The following TNFRSF10D variants were observed in gnomAD, a reference collection of about 807,000 sequenced individuals.
TNFRSF10D encodes tumor necrosis factor receptor superfamily member 10D.
Under a neutral mutation model 42.1 loss-of-function variants are expected in TNFRSF10D, and 28 were observed. That is an observed-to-expected ratio of 0.66 (90% CI 0.49 to 0.91). TNFRSF10D has a LOEUF of 0.91. Ranked by LOEUF, TNFRSF10D falls within the 40% of genes least tolerant of loss-of-function variation. The pLI is 0.00. For missense variants in TNFRSF10D, 503 were observed against 486.1 expected, an observed-to-expected ratio of 1.03 and a Z score of -0.33; for synonymous variants, 186 against 189.4, an observed-to-expected ratio of 0.98 and a Z score of 0.15.
intron 2 of TNFRSF10D, among the ~76,000 whole-genome samples, chr8:23,149,382 C>T (rs1800183193): frequency 1.3e-5 from 2 of 151,316 alleles, no homozygotes; most frequent in Non-Finnish European, 2.9e-5. Context: ...GGATTACAGG[C>T]ACCCACCACC....
intron 2 of TNFRSF10D, among the ~76,000 whole-genome samples, chr8:23,149,005 A>C (rs1316081545): frequency 6.6e-6 from 1 of 151,574 alleles, no homozygotes; most frequent in Non-Finnish European, 1.5e-5. Flanking sequence ...CCTGGCTAAC[A>C]CAGTGAAACC....
At position 23,138,242 on chromosome 8, in the gene TNFRSF10D, C is replaced by A. The variant is rs770255486; in HGVS notation, c.973G>T (p.Gly325Trp). Residue 325 changes from glycine (G) to tryptophan (W), a missense_variant, in exon 8 of 9, where the codon GGG becomes TGG. Physicochemically the swap from Gly to Trp is radical, Grantham distance 184. Coordinates refer to ENST00000312584, the MANE Select transcript of TNFRSF10D (RefSeq NM_003840.5). ...QRLLEQAEAE[G>W]CQRRRLLVPV... ...ACCAGCAGCCTCCTCCTCTGACACC[C>A]TTCAGCTTCTGCCTGTTCCTGTAAC... 6.2e-7 allele frequency: 1 copy of A among 1,614,232 alleles called. No individual in the cohort carries two copies. Among genetic ancestry groups the A allele is most frequent in the Non-Finnish European group, 8.5e-7 (1 of 1,180,044 alleles).
intron 1 of TNFRSF10D, among the ~76,000 whole-genome samples, chr8:23,162,414 G>A (rs1032862285): frequency 1.3e-5 from 2 of 152,200 alleles, no homozygotes; most frequent in Non-Finnish European, 2.9e-5. Context: ...TTTTTGAGAG[G>A]TGAAAATGTC....
At chr8:23,153,299 C>T (rs186967234) in intron 2 of TNFRSF10D, among the ~76,000 whole-genome samples, 686 of 151,742 alleles carry the variant, frequency 4.5e-3, no homozygotes, top group African/African-American at 0.014. Flanking sequence ...ATCTTCATGA[C>T]GTTGGTGTGG....
chr8:23,138,468 T>C (rs1412861304), intron 7 of TNFRSF10D, among the ~76,000 whole-genome samples: 926 of 152,220 alleles, frequency 6.1e-3, no homozygotes, highest in African/African-American at 0.019. Context: ...AAATGCTCAC[T>C]TTGTAAGTGT....
At chr8:23,149,340 C>T (rs1174008659) in intron 2 of TNFRSF10D, among the ~76,000 whole-genome samples, 10 of 151,604 alleles carry the variant, frequency 6.6e-5, no homozygotes, top group Non-Finnish European at 1.3e-4. Context: ...CAGGTTCAAG[C>T]GATTCTCCTG....
chr8:23,163,885 C>T lies in TNFRSF10D; in HGVS notation c.51G>A (p.Gly17=). The change falls in exon 1 of 9, where the codon GGG becomes GGA. Residue 17 remains glycine, a synonymous_variant. Transcript: ENST00000312584. ...SVPTASSARA[G]RYPGARTASG... ...ACGCTGTCCTGGCTCCTGGATAGCG[C>T]CCTGCTCGAGCGCTCGAGGCGGTCG... 15 of 1,597,608 alleles carry T rather than the reference C, an allele frequency of 9.4e-6. No individual in the cohort carries two copies. The highest frequency in any genetic ancestry group is 1.2e-5 in the Non-Finnish European group (14 of 1,173,960).
chr8:23,163,209 C>T (rs140928590), intron 1 of TNFRSF10D, among the ~76,000 whole-genome samples: 154 of 146,946 alleles, frequency 1.0e-3, no homozygotes, highest in African/African-American at 3.6e-3. Context: ...AAGTGATTCT[C>T]CTTCTGCCTC....
chr8:23,163,089 CTTTTTTTTTTT>C (rs59385093), intron 1 of TNFRSF10D, among the ~76,000 whole-genome samples: 1 of 57,200 alleles, frequency 1.7e-5, no homozygotes, highest in Non-Finnish European at 3.0e-5. Flanking sequence ...GCCTGGCTAA[CTTTTTTTTTTT>C]TTTTTTTTTT....
chr8:23,144,138 T>A (rs542206134), intron 7 of TNFRSF10D, among the ~76,000 whole-genome samples: 1 of 152,376 alleles, frequency 6.6e-6, no homozygotes, highest in African/African-American at 2.4e-5. Flanking sequence ...CCCTGACTTC[T>A]GTTAGGAGCA....
At chr8:23,149,560 T>A (rs1361020310) in intron 2 of TNFRSF10D, among the ~76,000 whole-genome samples, 20 of 149,770 alleles carry the variant, frequency 1.3e-4, no homozygotes, top group African/African-American at 4.3e-4. Context: ...TTTTTTTTTT[T>A]AACAATAAAA....
chr8:23,160,857 A>G (rs1800357245), intron 1 of TNFRSF10D, among the ~76,000 whole-genome samples: 1 of 152,162 alleles, frequency 6.6e-6, no homozygotes, highest in African/African-American at 2.4e-5. Flanking sequence ...CCGGACACCC[A>G]CCAGAAGCAC....
rs751045516 is a variant in TNFRSF10D, at chr8:23,145,885, C to T, written c.519G>A (p.Thr173=). The change falls in exon 5 of 9, where the codon ACG becomes ACA. Residue 173 remains threonine (T), a synonymous_variant. Coordinates refer to ENST00000312584, the MANE Select transcript of TNFRSF10D (RefSeq NM_003840.5). ...PRGMVKVSNC[T]PRSDIKCKNE... The stretch of plus-strand genomic sequence containing the variant: ...TTTTGCACTTGATGTCACTCCGGGG[C>T]GTACAATTACTGACCTTGACCATCC... 9.9e-6 allele frequency: 16 copies of T among 1,614,138 alleles called. No individual in the cohort carries two copies. Among genetic ancestry groups the T allele is most frequent in the Admixed American group, 1.7e-5 (1 of 60,028 alleles).
At chr8:23,150,477 T>TC (rs1284360922) in intron 2 of TNFRSF10D, among the ~76,000 whole-genome samples, 906 of 152,160 alleles carry the variant, frequency 6.0e-3, no homozygotes, top group African/African-American at 0.019. Flanking sequence ...CATTCCAACA[T>TC]ATTGCCACAG....
chr8:23,157,787 A>G (rs1800301882), intron 1 of TNFRSF10D, among the ~76,000 whole-genome samples: 2 of 152,202 alleles, frequency 1.3e-5, no homozygotes, highest in African/African-American at 2.4e-5. Context: ...ATAATATTCT[A>G]TGTCCTAAAA....
intron 1 of TNFRSF10D, among the ~76,000 whole-genome samples, chr8:23,156,406 G>A (rs6982459): frequency 0.025 from 3,794 of 152,178 alleles, 133 homozygotes; most frequent in African/African-American, 0.086. Context: ...ATGAAAGCCT[G>A]CCTAGTAGTT....
chr8:23,161,260 C>T (rs74891879), intron 1 of TNFRSF10D, among the ~76,000 whole-genome samples: 775 of 152,016 alleles, frequency 5.1e-3, no homozygotes, highest in African/African-American at 0.016. Context: ...CAGCAGGGCC[C>T]AGCTGTTCCC....
At chr8:23,144,407 G>A in intron 7 of TNFRSF10D, 43 bp downstream of exon 7, 1 of 1,594,176 alleles carries the variant, frequency 6.3e-7, no homozygotes, top group Non-Finnish European at 8.6e-7. Context: ...AAAGTCCTGT[G>A]CAGGCTGCAC....
intron 1 of TNFRSF10D, among the ~76,000 whole-genome samples, chr8:23,161,791 G>T (rs562178115): frequency 6.6e-6 from 1 of 152,210 alleles, no homozygotes; most frequent in Non-Finnish European, 1.5e-5. Flanking sequence ...AGGTGTGAGT[G>T]TAAGCTGAGT....
Sources: allele counts gnomAD v4.1 joint callset (sites outside exome capture counted in the v4.1 genomes callset), GRCh38; gene constraint gnomAD v4.1.1; transcripts MANE v1.5; gene names NCBI Gene and HGNC (gene_info 2026-07-23, HGNC 2026-07-21).